Variants in ADARB2 observed in about 807,000 individuals in gnomAD.
The protein encoded by ADARB2 is adenosine deaminase RNA specific B2 (inactive), also known as inactive double-stranded RNA-specific editase B2.
A neutral mutation model predicts 62.2 loss-of-function variants in ADARB2; 25 were observed. The ratio of observed to expected loss-of-function variants is 0.40; its 90% CI spans 0.29 to 0.56. The LOEUF is 0.56. Among genes scored for constraint, ADARB2 ranks in the 20% least tolerant of loss-of-function variants. The probability of loss-of-function intolerance (pLI) is 0.43; values close to 1 mark genes in which losing one functional copy is unlikely to be tolerated. For synonymous variants in ADARB2, 572 were observed against 500.8 expected (o/e 1.14, Z -1.90); for missense variants, 1,071 against 1,077.4 (o/e 0.99, Z 0.08).
At position 1,645,797 on chromosome 10, in the gene ADARB2, C is replaced by T. The variant is rs143330188; in HGVS notation, c.100+91254G>A. 1.1e-4 allele frequency among the ~76,000 whole-genome samples: 16 copies of T among 152,302 alleles called. No homozygotes were observed. In the East Asian group the frequency reaches 3.1e-3, roughly 29 times the overall value. ...TCTCCTCCTGGAGTTCACTTTAACG[C>T]CTATACTCCAATGCTTGGGATCTCT... is the stretch of plus-strand genomic sequence containing the variant. On this transcript the variant is annotated intron_variant, in intron 1 of 9. Coordinates refer to ENST00000381312, the MANE Select transcript of ADARB2 (RefSeq NM_018702.4).
chr10:1,215,207 T>C (rs1006038756), intron 7 of ADARB2, among the ~76,000 whole-genome samples: 4 of 152,228 alleles, frequency 2.6e-5, no homozygotes. Flanking sequence ...ACAGTTGTCC[T>C]GTTATCTGTT....
intron 1 of ADARB2, among the ~76,000 whole-genome samples, chr10:1,639,035 A>T (rs921965931): frequency 6.6e-6 from 1 of 152,194 alleles, no homozygotes; most frequent in African/African-American, 2.4e-5. Context: ...TACCCTCATC[A>T]TGGTACAAGT....
chr10:1,270,892 G>A (rs1363036756), intron 4 of ADARB2, 63 bp downstream of exon 4: 4 of 1,439,244 alleles, frequency 2.8e-6, no homozygotes, highest in Admixed American at 3.7e-5. Context: ...CCAAGATCAG[G>A]TAGATGCTAA....
intron 7 of ADARB2, among the ~76,000 whole-genome samples, chr10:1,208,357 G>C (rs1294848221): frequency 6.6e-6 from 1 of 152,210 alleles, no homozygotes; most frequent in Non-Finnish European, 1.5e-5. Context: ...CTTTCCCTGG[G>C]TGCGTGTGGC....
intron 3 of ADARB2, among the ~76,000 whole-genome samples, chr10:1,352,253 C>A (rs1832150962): frequency 6.6e-6 from 1 of 152,128 alleles, no homozygotes; most frequent in South Asian, 2.1e-4. Flanking sequence ...AAAACAACTC[C>A]TTTCCTTCCT....
intron 1 of ADARB2, among the ~76,000 whole-genome samples, chr10:1,429,321 CTGTTTT>C (rs1830753987): frequency 7.9e-5 from 12 of 152,296 alleles, no homozygotes; most frequent in Non-Finnish European, 1.6e-4. Flanking sequence ...GCTCCTGGTG[CTGTTTT>C]AGCTGATGAA....
chr10:1,405,812 A>C (rs1175176379), intron 1 of ADARB2, among the ~76,000 whole-genome samples: 1 of 151,828 alleles, frequency 6.6e-6, no homozygotes, highest in African/African-American at 2.4e-5. Context: ...CATTTATTAA[A>C]TCCTTCTCCA....
At chr10:1,615,794 A>G (rs10794771) in intron 1 of ADARB2, among the ~76,000 whole-genome samples, 109,498 of 152,192 alleles carry the variant, frequency 0.72, 39,605 homozygotes, top group African/African-American at 0.81. Flanking sequence ...CAGGGCAGGG[A>G]CTGTTGTCCT....
chr10:1,329,951 T>C (rs1831913390), intron 3 of ADARB2, among the ~76,000 whole-genome samples: 1 of 139,832 alleles, frequency 7.2e-6, no homozygotes, highest in South Asian at 2.2e-4. Context: ...TTTTTTTTTT[T>C]TTTCTCTTAA....
chr10:1,585,991 G>A (rs182093682), intron 1 of ADARB2, among the ~76,000 whole-genome samples: 5 of 152,232 alleles, frequency 3.3e-5, no homozygotes, highest in East Asian at 3.9e-4. Context: ...CCAAGATAGC[G>A]CCACTGCACT....
intron 1 of ADARB2, among the ~76,000 whole-genome samples, chr10:1,588,726 C>T (rs1833211155): frequency 6.6e-6 from 1 of 152,192 alleles, no homozygotes; most frequent in Admixed American, 6.5e-5. Flanking sequence ...GGACGCCAGC[C>T]CCTGCCTTGG....
rs181078703 is a variant in ADARB2 at position 1,678,971 on chromosome 10, C to T, written c.100+58080G>A. Among the ~76,000 whole-genome samples the T allele has an allele frequency of 2.1e-3, 313 of 152,328 alleles. 1 individual carries two copies. The highest frequency in any genetic ancestry group is 3.4e-3 in the Admixed American group (52 of 15,308). On this transcript the variant is annotated intron_variant, in intron 1 of 9. Coordinates refer to ENST00000381312, the MANE Select transcript of ADARB2 (RefSeq NM_018702.4). Reference sequence around the variant, plus strand: ...CTGGCTCCCTCACGGGCATTCAGGCCAATGCCCACTGGATGCAGACATGAG... The same window carrying T: ...CTGGCTCCCTCACGGGCATTCAGGCTAATGCCCACTGGATGCAGACATGAG...
intron 1 of ADARB2, among the ~76,000 whole-genome samples, chr10:1,615,809 A>G (rs1363834845): frequency 1.3e-5 from 2 of 152,194 alleles, no homozygotes; most frequent in African/African-American, 4.8e-5. Flanking sequence ...TGTCCTGAAT[A>G]CCACAGTCCC....
At chr10:1,273,022 TCTC>T (rs1373925796) in intron 3 of ADARB2, among the ~76,000 whole-genome samples, 1 of 152,144 alleles carries the variant, frequency 6.6e-6, no homozygotes, top group African/African-American at 2.4e-5. Context: ...CACGTGGCCT[TCTC>T]CTCTGTGTCT....
intron 1 of ADARB2, among the ~76,000 whole-genome samples, chr10:1,665,439 T>C (rs143221188): frequency 2.0e-5 from 3 of 152,192 alleles, no homozygotes; most frequent in Admixed American, 6.5e-5. Context: ...CCACTGCCAA[T>C]GCAGGAGCAC....
intron 1 of ADARB2, among the ~76,000 whole-genome samples, chr10:1,595,462 A>G (rs1373766727): frequency 6.6e-6 from 1 of 152,218 alleles, no homozygotes; most frequent in Admixed American, 6.5e-5. Flanking sequence ...ATACAGTCAG[A>G]TTTGTATTAG....
At chr10:1,576,822 C>T (rs571824517) in intron 1 of ADARB2, among the ~76,000 whole-genome samples, 155 of 149,436 alleles carry the variant, frequency 1.0e-3, no homozygotes, top group African/African-American at 3.8e-3. Flanking sequence ...TGAGGAGGGG[C>T]GTGTGGACTT....
intron 1 of ADARB2, among the ~76,000 whole-genome samples, chr10:1,532,490 C>T (rs903269564): frequency 6.6e-6 from 1 of 152,098 alleles, no homozygotes; most frequent in African/African-American, 2.4e-5. Flanking sequence ...TGTCCTTCTG[C>T]TGTGGGCCTG....
intron 1 of ADARB2, among the ~76,000 whole-genome samples, chr10:1,647,350 T>C (rs1032525373): frequency 6.6e-6 from 1 of 152,242 alleles, no homozygotes; most frequent in African/African-American, 2.4e-5. Context: ...TGCATGTATA[T>C]ATGTGTGTGT....
Sources: allele counts gnomAD v4.1 joint callset (sites outside exome capture counted in the v4.1 genomes callset), GRCh38; gene constraint gnomAD v4.1.1; transcripts MANE v1.5; gene names NCBI Gene and HGNC (gene_info 2026-07-23, HGNC 2026-07-21).